ANKMY1: variants seen among roughly 807,000 people sequenced by gnomAD.
ANKMY1 encodes ankyrin repeat and MYND domain-containing protein 1.
ANKMY1 carries 98 observed loss-of-function variants against 102.0 expected under a neutral mutation model. That is an observed-to-expected ratio of 0.96 (90% CI 0.82 to 1.14). The LOEUF (loss-of-function observed/expected upper bound fraction) is 1.14, where lower values mean the gene tolerates loss of function less well. Ranked by LOEUF, ANKMY1 falls within the 50% of genes most tolerant of loss-of-function variation. ANKMY1 has a pLI of 0.00. For missense variants in ANKMY1, 1,330 were observed against 1,347.6 expected (o/e 0.99, Z 0.20); for synonymous variants, 582 against 559.9 (o/e 1.04, Z -0.56).
intron 15 of ANKMY1, among the ~76,000 whole-genome samples, chr2:240,498,188 G>T (rs566927953): frequency 2.0e-5 from 3 of 150,986 alleles, no homozygotes; most frequent in African/African-American, 2.4e-5. Flanking sequence ...GTTTGTGTTG[G>T]GGGGGGACAT....
intron 4 of ANKMY1, 76 bp downstream of exon 4, chr2:240,552,838 G>A (rs4676428): frequency 8.1e-6 from 13 of 1,604,730 alleles, no homozygotes; most frequent in African/African-American, 2.7e-5. Flanking sequence ...CCCCAGGACC[G>A]AAATATCTTT....
chr2:240,493,011 T>G (rs2076825167), intron 15 of ANKMY1, among the ~76,000 whole-genome samples: 1 of 152,106 alleles, frequency 6.6e-6, no homozygotes. Context: ...TTCAAATTCT[T>G]TATCTGAGAT....
chr2:240,475,057 C>T (rs558683416), downstream of ANKMY1, among the ~76,000 whole-genome samples: 151 of 152,310 alleles, frequency 9.9e-4, no homozygotes, highest in African/African-American at 3.6e-3. Flanking sequence ...CATATGCATT[C>T]CCTTTTCTCT....
At chr2:240,528,381 A>G (rs1324314845) in intron 5 of ANKMY1, among the ~76,000 whole-genome samples, 1 of 147,432 alleles carries the variant, frequency 6.8e-6, no homozygotes, top group African/African-American at 2.5e-5. Flanking sequence ...TTTTTGGAAG[A>G]CCAACAGAGC....
chr2:240,469,873 C>T, the ANKMY1 span, among the ~76,000 whole-genome samples: 1 of 152,144 alleles, frequency 6.6e-6, no homozygotes, highest in Non-Finnish European at 1.5e-5. Flanking sequence ...CACACAAGCA[C>T]ACATATCCAT....
chr2:240,485,760 TA>T (rs1028027538), intron 15 of ANKMY1, among the ~76,000 whole-genome samples: 1 of 152,082 alleles, frequency 6.6e-6, no homozygotes, highest in Non-Finnish European at 1.5e-5. Context: ...GGGCTCATTT[TA>T]AAAAAAATTT....
chr2:240,532,690 A>G (rs1436681771), intron 4 of ANKMY1, among the ~76,000 whole-genome samples: 1 of 152,226 alleles, frequency 6.6e-6, no homozygotes, highest in Non-Finnish European at 1.5e-5. Context: ...TGATGAGTTT[A>G]GGAGTAAGTT....
chr2:240,508,245 A>G (rs920313767), intron 12 of ANKMY1, among the ~76,000 whole-genome samples: 3 of 152,226 alleles, frequency 2.0e-5, no homozygotes, highest in Non-Finnish European at 4.4e-5. Context: ...ACGGGTCCTT[A>G]GTGTTTGGCT....
chr2:240,558,962 A>C (rs1009826828), upstream of ANKMY1, among the ~76,000 whole-genome samples: 3 of 152,206 alleles, frequency 2.0e-5, no homozygotes, highest in Non-Finnish European at 4.4e-5. Context: ...TAAAAACTAA[A>C]ATGCTGATCA....
At chr2:240,539,106 G>T (rs1333275496) in intron 4 of ANKMY1, among the ~76,000 whole-genome samples, 1 of 152,178 alleles carries the variant, frequency 6.6e-6, no homozygotes, top group East Asian at 1.9e-4. Context: ...GCAGCCAGTG[G>T]CAACCCACTG....
chr2:240,491,058 ATT>A (rs1559239102), intron 15 of ANKMY1, among the ~76,000 whole-genome samples: 1 of 146,224 alleles, frequency 6.8e-6, no homozygotes, highest in African/African-American at 2.5e-5. Flanking sequence ...CTCTTGCTAG[ATT>A]TATCCCTTTA....
At position 240,512,816 on chromosome 2, in the gene ANKMY1, A is replaced by T. The variant is rs1373493631; in HGVS notation, c.2131T>A (p.Tyr711Asn). 1 of 1,613,894 alleles carries T rather than the reference A, an allele frequency of 6.2e-7. No individual in the cohort carries two copies. Among genetic ancestry groups the T allele is most frequent in the Non-Finnish European group, 8.5e-7 (1 of 1,179,922 alleles). ...DAKASDEDDT[Y>N]KPGKLDLLPS... ...GAGGTACACACCTTGCCGGGCTTGT[A>T]AGTGTCGTCCTCGTCGGATGCCTTG... Residue 711 changes from tyrosine to asparagine, a missense_variant, in exon 10 of 18, where the codon TAC becomes AAC. Physicochemically the swap from Tyr to Asn is moderately radical, Grantham distance 143. Transcript: ENST00000401804.
chr2:240,543,334 T>C (rs1487133243), intron 4 of ANKMY1, among the ~76,000 whole-genome samples: 1 of 149,188 alleles, frequency 6.7e-6, no homozygotes, highest in South Asian at 2.1e-4. Context: ...GCCTGGGTGA[T>C]AGAGCGAGAC....
At chr2:240,510,148 C>CA (rs1351972432) in intron 11 of ANKMY1, among the ~76,000 whole-genome samples, 1 of 135,900 alleles carries the variant, frequency 7.4e-6, no homozygotes, top group Non-Finnish European at 1.6e-5. Context: ...CCCTCCTCCC[C>CA]AATCCGTGCC....
chr2:240,525,929 CTCA>C, intron 6 of ANKMY1, 80 bp from the exon 7 acceptor site: 1 of 1,505,728 alleles, frequency 6.6e-7, no homozygotes, highest in Non-Finnish European at 9.1e-7. Flanking sequence ...TCCTGATGCC[CTCA>C]TGAGGCCACC....
chr2:240,504,211 G>A (rs2078683241), intron 13 of ANKMY1, among the ~76,000 whole-genome samples: 1 of 152,194 alleles, frequency 6.6e-6, no homozygotes, highest in South Asian at 2.1e-4. Context: ...GCCTCTAGCA[G>A]AAGGGTCCTG....
intron 9 of ANKMY1, among the ~76,000 whole-genome samples, chr2:240,515,046 CA>C (rs1477667946): frequency 2.0e-5 from 3 of 152,248 alleles, no homozygotes; most frequent in Non-Finnish European, 2.9e-5. Context: ...TAAAACTATT[CA>C]ATCCCTCTAG....
intron 4 of ANKMY1, among the ~76,000 whole-genome samples, chr2:240,539,564 G>A (rs561257740): frequency 5.7e-4 from 87 of 152,190 alleles, no homozygotes; most frequent in African/African-American, 2.0e-3. Context: ...CACCAATTCC[G>A]GACACAATAG....
intron 13 of ANKMY1, among the ~76,000 whole-genome samples, chr2:240,503,808 G>C (rs74692305): frequency 6.6e-6 from 1 of 152,220 alleles, no homozygotes; most frequent in East Asian, 1.9e-4. Flanking sequence ...TGGACATAGG[G>C]TCGTTGCAGA....
Sources: allele counts gnomAD v4.1 joint callset (sites outside exome capture counted in the v4.1 genomes callset), GRCh38; gene constraint gnomAD v4.1.1; transcripts MANE v1.5; gene names NCBI Gene and HGNC (gene_info 2026-07-23, HGNC 2026-07-21).